The following SMG1 variants were observed in gnomAD, a reference collection of about 807,000 sequenced individuals.
SMG1 encodes serine/threonine-protein kinase SMG1.
Under a neutral mutation model 419.9 loss-of-function variants are expected in SMG1, and 22 were observed. That is an observed-to-expected ratio of 0.05 (90% CI 0.04 to 0.07). The LOEUF (loss-of-function observed/expected upper bound fraction) is 0.07, where lower values mean the gene tolerates loss of function less well. SMG1 is among the 10% of genes least tolerant of loss of function. SMG1 has a pLI of 1.00. For synonymous variants in SMG1, 1,538 were observed against 1,553.5 expected, an observed-to-expected ratio of 0.99 and a Z score of 0.23; for missense variants, 3,185 against 4,342.0, an observed-to-expected ratio of 0.73 and a Z score of 7.49.
At chr16:18,901,529 ACTGT>A (rs1294989866) in intron 1 of SMG1, among the ~76,000 whole-genome samples, 2 of 152,286 alleles carry the variant, frequency 1.3e-5, no homozygotes, top group Middle Eastern at 3.4e-3. Context: ...CCAATTTTTA[ACTGT>A]CTGTCAACTA....
Position 18,836,122 on chromosome 16 carries a change from A to C in SMG1, c.7868T>G (p.Val2623Gly), listed in dbSNP as rs1262054447. 2.9e-5 allele frequency: 47 copies of C among 1,609,298 alleles called. No homozygotes were observed. The highest frequency in any genetic ancestry group is 3.7e-5 in the Non-Finnish European group (43 of 1,177,964). Residue 2623 changes from valine (V) to glycine (G), a missense_variant, in exon 48 of 63, where the codon GTT becomes GGT. By Grantham distance (109) the Val-to-Gly change is moderately radical. Around this residue, in one of 27 missense-constraint regions of SMG1, gnomAD observed 412 missense variants for 546.6 expected, o/e 0.75. Transcript: ENST00000446231. ...GCGCCTCTGCTGCAGGAGAGCACCAACCTCCCCCTCCAGCTGCTCGCACTG... is the reference window on the plus strand; with the variant it reads ...GCGCCTCTGCTGCAGGAGAGCACCACCCTCCCCCTCCAGCTGCTCGCACTG... ...ISQCEQLEGE[V>G]GALLQQRRSV...
At chr16:18,847,361 A>G in intron 38 of SMG1, 92 bp downstream of exon 38, 1 of 1,374,644 alleles carries the variant, frequency 7.3e-7, no homozygotes, top group Non-Finnish European at 1.0e-6. Context: ...TGAATTGTAC[A>G]CTTAAAAATT....
chr16:18,835,800 G>T, intron 48 of SMG1, 133 bp downstream of exon 48: 2 of 821,702 alleles, frequency 2.4e-6, no homozygotes, highest in Non-Finnish European at 3.8e-6. Context: ...TCTGGAGGCT[G>T]AGGCAGAGGA....
chr16:18,885,031 G>A, intron 8 of SMG1, 59 bp downstream of exon 8: 1 of 646,540 alleles, frequency 1.5e-6, no homozygotes, highest in Non-Finnish European at 2.7e-6. Flanking sequence ...ATGGTCACTG[G>A]GGGACCACTG....
At chr16:18,829,101 C>T (rs1433264380) in intron 54 of SMG1, among the ~76,000 whole-genome samples, 185 bp downstream of exon 54, 3 of 151,894 alleles carry the variant, frequency 2.0e-5, no homozygotes, top group African/African-American at 7.3e-5. Context: ...ATGATCTCAA[C>T]TATACAGAAG....
At chr16:18,896,723 A>G in intron 2 of SMG1, 70 bp downstream of exon 2, 1 of 1,166,204 alleles carries the variant, frequency 8.6e-7, no homozygotes, top group Non-Finnish European at 1.3e-6. Flanking sequence ...AGTTGGGGGT[A>G]TAAGAAGGCA....
Position 18,850,244 on chromosome 16 carries a change from G to C in SMG1, c.5276C>G (p.Ala1759Gly), listed in dbSNP as rs1333341542. ...GAACACTGTGCTACATACTTGACCA[G>C]CGTTGAGTTTAAGGAAAGTAAAGTA... Reference protein sequence around the residue: ...SAYFTFLKLNAGQIPLDEDDP... With the variant: ...SAYFTFLKLNGGQIPLDEDDP... Residue 1759 changes from alanine to glycine, a missense_variant, in exon 34 of 63, where the codon GCT becomes GGT. Coordinates refer to ENST00000446231, the MANE Select transcript of SMG1 (RefSeq NM_015092.5). 9 of 1,608,432 alleles carry C rather than the reference G, an allele frequency of 5.6e-6. No homozygotes were observed. Among genetic ancestry groups the C allele is most frequent in the Non-Finnish European group, 7.6e-6 (9 of 1,176,536 alleles).
intron 6 of SMG1, among the ~76,000 whole-genome samples, chr16:18,887,515 C>T (rs1165735529): frequency 4.2e-4 from 24 of 56,542 alleles, no homozygotes; most frequent in South Asian, 1.7e-3. Context: ...ATTTTTTTTT[C>T]CTTTTTTTTT....
At chr16:18,925,190 G>A (rs2038344402) in intron 1 of SMG1, 2 of 152,188 alleles carry the variant, frequency 1.3e-5, no homozygotes, top group South Asian at 4.1e-4. Context: ...AAAAGTTAAT[G>A]TTCCTAATAT....
chr16:18,836,320 C>G (rs201634041), intron 47 of SMG1, 40 bp downstream of exon 47: 1 of 1,599,936 alleles, frequency 6.3e-7, no homozygotes, highest in African/African-American at 1.3e-5. Flanking sequence ...CTATAAAACT[C>G]ATAGTTTCAC....
intron 1 of SMG1, among the ~76,000 whole-genome samples, chr16:18,897,521 G>A (rs900484094): frequency 3.3e-5 from 5 of 152,068 alleles, no homozygotes; most frequent in African/African-American, 4.8e-5. Context: ...GTAGCAATCA[G>A]AATTTTAAAA....
chr16:18,888,294 G>T (rs1171143077), intron 6 of SMG1, among the ~76,000 whole-genome samples: 1 of 150,960 alleles, frequency 6.6e-6, no homozygotes, highest in Non-Finnish European at 1.5e-5. Flanking sequence ...AGAATTTGGG[G>T]CACGTTAGCA....
At chr16:18,921,713 C>T (rs1291303884) in intron 1 of SMG1, among the ~76,000 whole-genome samples, 2 of 152,174 alleles carry the variant, frequency 1.3e-5, no homozygotes, top group South Asian at 2.1e-4. Flanking sequence ...TTAGTACAGA[C>T]TGATAAAAGG....
At chr16:18,870,111 G>T in intron 18 of SMG1, 117 bp from the exon 19 acceptor site, 1 of 637,048 alleles carries the variant, frequency 1.6e-6, no homozygotes, top group Non-Finnish European at 2.7e-6. Flanking sequence ...GTAAAATTGA[G>T]ACTTTCAAAT....
intron 9 of SMG1, 118 bp downstream of exon 9, chr16:18,883,952 A>T (rs1466273803): frequency 1.3e-5 from 6 of 453,934 alleles, no homozygotes; most frequent in Non-Finnish European, 2.4e-5. Context: ...AAATATTGCA[A>T]TGGGCATGTA....
chr16:18,859,360 T>C (rs1249167264), intron 27 of SMG1, 179 bp from the exon 28 acceptor site: 2 of 689,492 alleles, frequency 2.9e-6, no homozygotes, highest in Middle Eastern at 8.1e-4. Flanking sequence ...TGGGGATTTT[T>C]ACATTTTATT....
In SMG1 at chr16:18,852,347, C is replaced by T; in HGVS notation, c.4884G>A (p.Arg1628=). 6.2e-7 allele frequency: 1 copy of T among 1,613,620 alleles called. No homozygotes were observed. Among genetic ancestry groups the T allele is most frequent in the Admixed American group, 1.7e-5 (1 of 59,922 alleles). ...CATTGTCAACCACCTTTCTGCCCCACCTATAAGCCCAGCTGGCCAACGCTG... is the reference window on the plus strand; with the variant it reads ...CATTGTCAACCACCTTTCTGCCCCATCTATAAGCCCAGCTGGCCAACGCTG... ...SWAALASWAY[R]WGRKVVDNAS... Residue 1628 remains arginine (R), a synonymous_variant, in exon 32 of 63, where the codon AGG becomes AGA. Transcript: ENST00000446231.
intron 16 of SMG1, 47 bp downstream of exon 16, chr16:18,871,317 A>G (rs1163466562): frequency 1.1e-6 from 1 of 943,524 alleles, no homozygotes; most frequent in Non-Finnish European, 1.6e-6. Context: ...AGACCCTTTT[A>G]AGGATTGATA....
chr16:18,855,042 T>C (rs1177119644), intron 29 of SMG1, 138 bp from the exon 30 acceptor site: 2 of 760,716 alleles, frequency 2.6e-6, no homozygotes, highest in Non-Finnish European at 2.1e-6. Flanking sequence ...CTCAAATCCC[T>C]AGCAGCTAGC....
Sources: allele counts gnomAD v4.1 joint callset (sites outside exome capture counted in the v4.1 genomes callset), GRCh38; gene constraint gnomAD v4.1.1; regional missense constraint gnomAD v4.1.1; transcripts MANE v1.5; gene names NCBI Gene and HGNC (gene_info 2026-07-23, HGNC 2026-07-21).